Variants in CDC7 observed in about 807,000 individuals in gnomAD.
CDC7 encodes the protein cell division cycle 7-related protein kinase.
In CDC7, 34 loss-of-function variants were observed where a neutral mutation model predicts 53.5. The ratio of observed to expected loss-of-function variants is 0.64; its 90% CI spans 0.48 to 0.85. The LOEUF (loss-of-function observed/expected upper bound fraction) is 0.85, where lower values mean the gene tolerates loss of function less well. CDC7 is among the 40% of genes least tolerant of loss of function. The pLI is 0.00. For missense variants in CDC7, 594 were observed against 679.7 expected (o/e 0.87, Z 1.40); for synonymous variants, 211 against 222.8 (o/e 0.95, Z 0.47).
chr1:91,503,718 A>G (rs991529719), intron 2 of CDC7, among the ~76,000 whole-genome samples: 1 of 152,214 alleles, frequency 6.6e-6, no homozygotes, highest in Non-Finnish European at 1.5e-5. Context: ...AAGAAAGCCA[A>G]AATAAAGTCT....
intron 11 of CDC7, among the ~76,000 whole-genome samples, chr1:91,521,291 T>G (rs1667931811): frequency 6.6e-6 from 1 of 152,188 alleles, no homozygotes; most frequent in African/African-American, 2.4e-5. Flanking sequence ...GCCTTGTTAG[T>G]TTGAAAAAGC....
At position 91,520,384 on chromosome 1, in the gene CDC7, C is replaced by T. The variant is rs371602203; in HGVS notation, c.1330+105C>T. The T allele has an allele frequency of 2.9e-4, 277 of 943,718 alleles. 3 individuals are homozygous for T. The South Asian group carries it at 5.8e-3, about 20-fold the overall frequency. The allele number at this position is 943,718 out of a possible 1,614,324, so 58.5% of individuals were successfully genotyped here. On this transcript the variant is annotated intron_variant, in intron 11 of 11. Coordinates refer to ENST00000234626, the MANE Select transcript of CDC7 (RefSeq NM_003503.4). Reference sequence around the variant, plus strand: ...TTTTCTTTACAAATAAACATTCAGTCTTGATAAAGTTCTCTAATATTAAGT... The same window carrying T: ...TTTTCTTTACAAATAAACATTCAGTTTTGATAAAGTTCTCTAATATTAAGT...
chr1:91,520,285 C>T lies in CDC7; in HGVS notation c.1330+6C>T. ...CCAAGCTGCTAAAACTTTTGGTAAG[C>T]AGTTTTGTATTATAGAACCAAACAA... On this transcript the variant is annotated splice_donor_region_variant and intron_variant, in intron 11 of 11. Coordinates refer to ENST00000234626, the MANE Select transcript of CDC7 (RefSeq NM_003503.4). The T allele has an allele frequency of 6.3e-7, 1 of 1,585,392 alleles. No individual in the cohort carries two copies. Among genetic ancestry groups the T allele is most frequent in the Non-Finnish European group, 8.6e-7 (1 of 1,167,870 alleles).
chr1:91,524,107 G>C lies in CDC7; in HGVS notation c.1397G>C (p.Arg466Thr). Reference protein sequence around the residue: ...QDLRKLCERLRGMDSSTPKLT... With the variant: ...QDLRKLCERLTGMDSSTPKLT... ...TTGAGAAAACTCTGTGAGAGACTCAGGGGTATGGATTCTAGCACTCCCAAG... is the reference window on the plus strand; with the variant it reads ...TTGAGAAAACTCTGTGAGAGACTCACGGGTATGGATTCTAGCACTCCCAAG... Residue 466 changes from arginine to threonine, a missense_variant, in exon 12 of 12, where the codon AGG becomes ACG. By Grantham distance (71) the Arg-to-Thr change is moderately conservative. Transcript: ENST00000234626. 1 of 1,613,784 alleles carries C rather than the reference G, an allele frequency of 6.2e-7. No individual in the cohort carries two copies.
rs768907349 is a variant in CDC7 at position 91,511,641 on chromosome 1, A to G, written c.380A>G (p.Asn127Ser). Residue 127 changes from asparagine (N) to serine (S), a missense_variant, in exon 5 of 12, where the codon AAT becomes AGT. Coordinates refer to ENST00000234626, the MANE Select transcript of CDC7 (RefSeq NM_003503.4). Reference sequence around the variant, plus strand: ...GGAGTTAAATACTGCTTTAGGAAGAATGATCATGTAGTTATTGCTATGCCA... The same window carrying G: ...GGAGTTAAATACTGCTTTAGGAAGAGTGATCATGTAGTTATTGCTATGCCA... ...VMGVKYCFRK[N>S]DHVVIAMPYL... is the part of the protein sequence containing the mutation. The G allele has an allele frequency of 6.2e-7, 1 of 1,611,496 alleles. No homozygotes were observed. The highest frequency in any genetic ancestry group is 8.5e-7 in the Non-Finnish European group (1 of 1,178,154).
In CDC7 at chr1:91,522,148, A is replaced by G. The variant is rs528883305; in HGVS notation, c.1330+1869A>G. The stretch of plus-strand genomic sequence containing the variant: ...CCACTGCACTCCAGCCTGACGACAG[A>G]GCAAGACTCTGTCTCAAAAAAACAA... On this transcript the variant is annotated intron_variant, in intron 11 of 11. Transcript: ENST00000234626. Among the ~76,000 whole-genome samples the G allele has an allele frequency of 3.0e-3, 462 of 152,284 alleles. 2 individuals carry two copies. The highest frequency in any genetic ancestry group is 4.3e-3 in the Admixed American group (65 of 15,294).
intron 11 of CDC7, among the ~76,000 whole-genome samples, chr1:91,521,892 C>T (rs561298509): frequency 9.9e-5 from 15 of 152,100 alleles, no homozygotes; most frequent in Non-Finnish European, 1.9e-4. Context: ...TAGGGCCAGC[C>T]GTGGTGACTC....
chr1:91,513,809 G>T, intron 7 of CDC7, 139 bp from the exon 8 acceptor site: 1 of 584,314 alleles, frequency 1.7e-6, no homozygotes, highest in Non-Finnish European at 3.1e-6. Context: ...CACAGAAGTG[G>T]TTTGGTGCCT....
intron 11 of CDC7, among the ~76,000 whole-genome samples, chr1:91,522,222 A>G (rs1413721230): frequency 6.6e-6 from 1 of 152,200 alleles, no homozygotes; most frequent in Non-Finnish European, 1.5e-5. Context: ...TTAGTATGAC[A>G]TCTGTAGTTA....
chr1:91,524,485 A>G lies in CDC7; in HGVS notation c.*50A>G. ...CTGTTATGAGGTAGAATAAAAAAGA[A>G]TACTTTGTAATAGCCACAAGTTCTT... is the stretch of plus-strand genomic sequence containing the variant. On this transcript the variant is annotated 3_prime_UTR_variant, in exon 12 of 12. Transcript: ENST00000234626. The G allele has an allele frequency of 7.4e-7, 1 of 1,351,362 alleles. No homozygotes were observed. The highest frequency in any genetic ancestry group is 1.5e-5 in the African/African-American group (1 of 68,722). 83.7% of individuals were successfully genotyped at this position (1,351,362 alleles called of 1,614,324 possible). A position where few individuals can be genotyped will look rare whatever the true frequency, so the allele number is the denominator to read the frequency against.
rs1667066408 is a variant in CDC7 at position 91,507,720 on chromosome 1, C to A, written c.116-134C>A. 4 of 626,768 alleles carry A rather than the reference C, an allele frequency of 6.4e-6. No homozygotes were observed. The East Asian group carries it at 1.3e-4, about 21-fold the overall frequency. 38.8% of individuals were successfully genotyped at this position (626,768 alleles called of 1,614,324 possible). On this transcript the variant is annotated intron_variant, in intron 2 of 11. Coordinates refer to ENST00000234626, the MANE Select transcript of CDC7 (RefSeq NM_003503.4). ...GCAACTTGATGGGTTTTAATCTTAT[C>A]ACAATGTTATTAAAACTTATGTATA...
intron 2 of CDC7, among the ~76,000 whole-genome samples, chr1:91,505,709 T>C (rs1557586554): frequency 6.6e-6 from 1 of 152,244 alleles, no homozygotes; most frequent in Non-Finnish European, 1.5e-5. Flanking sequence ...CTTTCTGCTG[T>C]CATTTCCCAC....
chr1:91,507,807 A>T (rs1180434165), intron 2 of CDC7, 47 bp from the exon 3 acceptor site: 2 of 1,137,504 alleles, frequency 1.8e-6, no homozygotes, highest in Non-Finnish European at 2.5e-6. Flanking sequence ...GAAACTGTAA[A>T]ATATACTGTC....
intron 4 of CDC7, among the ~76,000 whole-genome samples, chr1:91,510,467 A>T (rs1321958621): frequency 2.0e-5 from 3 of 152,218 alleles, no homozygotes; most frequent in Non-Finnish European, 4.4e-5. Flanking sequence ...ACAGCAAATA[A>T]CAGTGCCAAC....
intron 10 of CDC7, among the ~76,000 whole-genome samples, chr1:91,518,093 C>CAAAAAA (rs55787737): frequency 0.021 from 953 of 45,922 alleles, 163 homozygotes; most frequent in Non-Finnish European, 0.024. Context: ...GACTCAGTCT[C>CAAAAAA]AAAAAAAAAA....
chr1:91,520,330 T>C (rs777060243), intron 11 of CDC7, 51 bp downstream of exon 11: 28 of 1,327,662 alleles, frequency 2.1e-5, no homozygotes, highest in Non-Finnish European at 3.1e-6. Flanking sequence ...GATTATCTCC[T>C]ACAAATCACT....
At chr1:91,508,868 A>G (rs965580804) in intron 4 of CDC7, among the ~76,000 whole-genome samples, 6 of 152,110 alleles carry the variant, frequency 3.9e-5, no homozygotes, top group Non-Finnish European at 7.4e-5. Context: ...CACCTGCTCC[A>G]TCATTTCTTT....
chr1:91,515,795 C>A lies in CDC7; in HGVS notation c.1099C>A (p.Arg367Ser). 1.2e-6 allele frequency: 2 copies of A among 1,613,406 alleles called. No homozygotes were observed. The highest frequency in any genetic ancestry group is 1.7e-6 in the Non-Finnish European group (2 of 1,179,654). Reference protein sequence around the residue: ...DKVCSICLSRRQQVAPRAGTP... With the variant: ...DKVCSICLSRSQQVAPRAGTP... ...AGAGAAATCTTATTTCATCATAAGG[C>A]GTCAGCAGGTTGCCCCTAGGGCAGG... The change falls in exon 10 of 12, where the codon CGT (arginine) becomes AGT (serine). Residue 367 changes from arginine (R) to serine (S), a missense_variant and splice_region_variant. Arg to Ser is a moderately radical substitution (Grantham distance 110). Coordinates refer to ENST00000234626, the MANE Select transcript of CDC7 (RefSeq NM_003503.4).
Position 91,515,813 on chromosome 1 carries a change from A to G in CDC7, c.1117A>G (p.Arg373Gly). The change falls in exon 10 of 12, where the codon AGG becomes GGG. Residue 373 changes from arginine (R) to glycine (G), a missense_variant. By Grantham distance (125) the Arg-to-Gly change is moderately radical. Coordinates refer to ENST00000234626, the MANE Select transcript of CDC7 (RefSeq NM_003503.4). The stretch of plus-strand genomic sequence containing the variant: ...CATAAGGCGTCAGCAGGTTGCCCCT[A>G]GGGCAGGTACACCAGGATTCAGAGC... ...CLSRRQQVAP[R>G]AGTPGFRAPE... 6.2e-7 allele frequency: 1 copy of G among 1,613,784 alleles called. No homozygotes were observed. Among genetic ancestry groups the G allele is most frequent in the Non-Finnish European group, 8.5e-7 (1 of 1,179,792 alleles).
Sources: allele counts gnomAD v4.1 joint callset (sites outside exome capture counted in the v4.1 genomes callset), GRCh38; gene constraint gnomAD v4.1.1; transcripts MANE v1.5; gene names NCBI Gene and HGNC (gene_info 2026-07-23, HGNC 2026-07-21).